The following CATSPERE variants were observed in gnomAD, a reference collection of about 807,000 sequenced individuals.
CATSPERE encodes the protein catsper channel auxiliary subunit epsilon.
A neutral mutation model predicts 114.1 loss-of-function variants in CATSPERE; 93 were observed. That is an observed-to-expected ratio of 0.81 (90% confidence interval 0.69 to 0.97). CATSPERE has a LOEUF of 0.97. Ranked by LOEUF, CATSPERE falls within the 50% of genes least tolerant of loss-of-function variation. CATSPERE has a pLI of 0.00. For synonymous variants in CATSPERE, 341 were observed against 384.1 expected (o/e 0.89, Z 1.31); for missense variants, 1,058 against 1,131.6 (o/e 0.93, Z 0.93).
rs1426364887 is a variant in CATSPERE at position 244,516,208 on chromosome 1, A to AGG, written c.430-2384_430-2383insGG. On this transcript the variant is annotated intron_variant, in intron 7 of 21. Transcript: ENST00000366534. ...CTTGTCTCAAATAATAATAATAATA[A>AGG]TAATAATAATAACAATGCAAACATT... Among the ~76,000 whole-genome samples the AGG allele has an allele frequency of 1.2e-3, 180 of 152,018 alleles. 2 individuals carry two copies. The highest frequency in any genetic ancestry group is 4.3e-3 in the African/African-American group (177 of 41,490).
chr1:244,611,738 A>AGGTGAG (rs1196695497), intron 19 of CATSPERE, among the ~76,000 whole-genome samples: 2 of 152,230 alleles, frequency 1.3e-5, no homozygotes, highest in Non-Finnish European at 2.9e-5. Flanking sequence ...GATAAATGAT[A>AGGTGAG]GGTGAGGATG....
chr1:244,613,136 A>G lies in CATSPERE; in HGVS notation c.2490+2810A>G, dbSNP rs368991120. Among the ~76,000 whole-genome samples the G allele has an allele frequency of 9.8e-5, 15 of 152,348 alleles. No homozygotes were observed. The South Asian group carries it at 3.1e-3, about 32-fold the overall frequency. On this transcript the variant is annotated intron_variant, in intron 19 of 21. Coordinates refer to ENST00000366534, the MANE Select transcript of CATSPERE (RefSeq NM_001130957.2). ...ATGCTTTGTTGTATGATATATGCAC[A>G]GCTTCCAAACATACTTAGAATATAC...
chr1:244,614,657 G>A (rs532920217), intron 19 of CATSPERE, among the ~76,000 whole-genome samples: 1 of 152,222 alleles, frequency 6.6e-6, no homozygotes, highest in African/African-American at 2.4e-5. Flanking sequence ...CACAGCCAAG[G>A]CAACCAGCCA....
chr1:244,569,877 T>C (rs1664181552), intron 10 of CATSPERE, among the ~76,000 whole-genome samples: 1 of 152,202 alleles, frequency 6.6e-6, no homozygotes, highest in Non-Finnish European at 1.5e-5. Context: ...CTATACTTTT[T>C]TGATTACTAT....
intron 20 of CATSPERE, among the ~76,000 whole-genome samples, chr1:244,631,074 C>T (rs1673880495): frequency 6.6e-6 from 1 of 152,078 alleles, no homozygotes; most frequent in Admixed American, 6.6e-5. Context: ...CTCTCTAGAA[C>T]TTGGTAGGAT....
intron 7 of CATSPERE, among the ~76,000 whole-genome samples, chr1:244,514,935 A>G (rs983487836): frequency 3.3e-5 from 5 of 152,150 alleles, no homozygotes; most frequent in African/African-American, 9.7e-5. Flanking sequence ...AGTTTAGACA[A>G]TGCATTAGGA....
intron 17 of CATSPERE, 110 bp downstream of exon 17, chr1:244,593,688 T>C: frequency 1.2e-6 from 1 of 858,710 alleles, no homozygotes; most frequent in Non-Finnish European, 1.9e-6. Flanking sequence ...TAGACTCTAC[T>C]CAATATATGC....
At chr1:244,614,085 G>A (rs535683155) in intron 19 of CATSPERE, among the ~76,000 whole-genome samples, 23 of 152,110 alleles carry the variant, frequency 1.5e-4, no homozygotes, top group Admixed American at 1.0e-3. Flanking sequence ...GCAACCCTTC[G>A]ACCTTGGACT....
chr1:244,458,069 T>C (rs1666320091), upstream of CATSPERE, among the ~76,000 whole-genome samples: 5 of 152,158 alleles, frequency 3.3e-5, no homozygotes, highest in African/African-American at 1.2e-4. Flanking sequence ...CAGACAACTG[T>C]TGTCTCACTT....
At chr1:244,477,797 A>T in intron 3 of CATSPERE, 109 bp from the exon 4 acceptor site, 1 of 989,420 alleles carries the variant, frequency 1.0e-6, no homozygotes, top group African/African-American at 1.7e-5. Flanking sequence ...ATTTAAAAAT[A>T]TCTCTTATCA....
Position 244,504,432 on chromosome 1 carries a change from A to C in CATSPERE, c.429+5353A>C, listed in dbSNP as rs1558388082. Among the ~76,000 whole-genome samples, 1 of 152,226 alleles carries C rather than the reference A, an allele frequency of 6.6e-6. No homozygotes were observed. The highest frequency in any genetic ancestry group is 1.5e-5 in the Non-Finnish European group (1 of 68,038). ...TGTTGTATATTTGTCATAATTACTG[A>C]ACCAATATTGTTACATTATTATTAA... On this transcript the variant is annotated intron_variant, in intron 7 of 21. Transcript: ENST00000366534. This position sits in a 1 kb window ranked among gnomAD's most constrained non-coding sequence, Gnocchi z 4.1.
At chr1:244,478,837 G>A (rs1359913478) in intron 4 of CATSPERE, among the ~76,000 whole-genome samples, 2 of 151,792 alleles carry the variant, frequency 1.3e-5, no homozygotes, top group African/African-American at 4.8e-5. Flanking sequence ...AGACCAACCT[G>A]GCCAACATAG....
At chr1:244,580,793 G>T (rs1413129520) in intron 11 of CATSPERE, among the ~76,000 whole-genome samples, 1 of 152,038 alleles carries the variant, frequency 6.6e-6, no homozygotes, top group East Asian at 1.9e-4. Flanking sequence ...CTGAGGTCGG[G>T]AGTTCAAGAC....
intron 20 of CATSPERE, among the ~76,000 whole-genome samples, chr1:244,620,485 C>G (rs1443485736): frequency 6.6e-6 from 1 of 152,148 alleles, no homozygotes; most frequent in South Asian, 2.1e-4. Context: ...CTACAGAGCA[C>G]ACATATTCTC....
rs1478682196 is a variant in CATSPERE at position 244,496,689 on chromosome 1, A to G, written c.352-2313A>G. Reference sequence around the variant, plus strand: ...TTCCTGAATTTATAAATGCAATGCCATCTTAATGAAAAAAATATACTTTTT... The same window carrying G: ...TTCCTGAATTTATAAATGCAATGCCGTCTTAATGAAAAAAATATACTTTTT... On this transcript the variant is annotated intron_variant, in intron 6 of 21. Coordinates refer to ENST00000366534, the MANE Select transcript of CATSPERE (RefSeq NM_001130957.2). 2.0e-5 allele frequency among the ~76,000 whole-genome samples: 3 copies of G among 152,326 alleles called. No homozygotes were observed. The East Asian group carries it at 5.8e-4, about 29-fold the overall frequency.
intron 20 of CATSPERE, among the ~76,000 whole-genome samples, chr1:244,628,469 G>T (rs1305333938): frequency 6.6e-6 from 1 of 151,770 alleles, no homozygotes; most frequent in Non-Finnish European, 1.5e-5. Context: ...TAAAGTAAGA[G>T]CTTCCTCTCT....
chr1:244,605,691 T>A lies in CATSPERE; in HGVS notation c.2304-4T>A. 1 of 1,593,448 alleles carries A rather than the reference T, an allele frequency of 6.3e-7. No individual in the cohort carries two copies. The highest frequency in any genetic ancestry group is 8.6e-7 in the Non-Finnish European group (1 of 1,162,196). On this transcript the variant is annotated splice_polypyrimidine_tract_variant and splice_region_variant and intron_variant, in intron 17 of 21. Transcript: ENST00000366534. ...AGTATCTTTCTGTTTGTTGTTTCTT[T>A]CAGATTTGATGATAATGGCTATGTT...
chr1:244,459,255 T>C (rs985766425), upstream of CATSPERE, among the ~76,000 whole-genome samples: 5 of 152,052 alleles, frequency 3.3e-5, no homozygotes, highest in African/African-American at 1.2e-4. Flanking sequence ...ATTTTTGTAT[T>C]TTTAGTAAAG....
intron 17 of CATSPERE, among the ~76,000 whole-genome samples, chr1:244,599,125 C>T (rs1304019093): frequency 1.3e-5 from 2 of 152,146 alleles, no homozygotes; most frequent in Non-Finnish European, 2.9e-5. Context: ...GTGGTTTCGA[C>T]CCACATCCCA....
Sources: allele counts gnomAD v4.1 joint callset (sites outside exome capture counted in the v4.1 genomes callset), GRCh38; gene constraint gnomAD v4.1.1; non-coding constraint Gnocchi (gnomAD v3.1); transcripts MANE v1.5; gene names NCBI Gene and HGNC (gene_info 2026-07-23, HGNC 2026-07-21).